The following PRSS27 variants were observed in gnomAD, a reference collection of about 807,000 sequenced individuals.
PRSS27 encodes the protein channel-activating protease 2.
Under a neutral mutation model 32.0 loss-of-function variants are expected in PRSS27, and 25 were observed. That is an observed-to-expected ratio of 0.78 (90% CI 0.57 to 1.09). The LOEUF is 1.09. PRSS27 is among the 50% of genes least tolerant of loss of function. The probability of loss-of-function intolerance (pLI) is 0.00; values close to 1 mark genes in which losing one functional copy is unlikely to be tolerated. For missense variants in PRSS27, 401 were observed against 394.9 expected (o/e 1.02, Z -0.13); for synonymous variants, 178 against 172.2 (o/e 1.03, Z -0.26).
chr16:2,714,082 C>T lies in PRSS27; in HGVS notation c.491G>A (p.Gly164Asp), dbSNP rs1295337994. The T allele has an allele frequency of 1.2e-6, 2 of 1,611,052 alleles. No individual in the cohort carries two copies. The highest frequency in any genetic ancestry group is 1.7e-6 in the Non-Finnish European group (2 of 1,178,240). The change falls in exon 4 of 6, where the codon GGC becomes GAC. Residue 164 changes from glycine to aspartate, a missense_variant. Coordinates refer to ENST00000302641, the MANE Select transcript of PRSS27 (RefSeq NM_031948.5). The surrounding 1 kb of genome is among the most constrained non-coding windows in gnomAD (Gnocchi z 4.7). ...TGMNCWVTGW[G>D]SPSEEDLLPE... ...CCCCTTACCTTCCTCACTGGGGCTG[C>T]CCCAGCCAGTGACCCAGCAGTTCAT...
At position 2,714,456 on chromosome 16, in the gene PRSS27, G is replaced by C. The variant is rs148292393; in HGVS notation, c.237-120C>G. 4,359 of 1,154,556 alleles carry C rather than the reference G, an allele frequency of 3.8e-3. 15 individuals carry two copies. The highest frequency in any genetic ancestry group is 4.5e-3 in the Non-Finnish European group (3,647 of 806,502). 71.5% of individuals were successfully genotyped at this position (1,154,556 alleles called of 1,614,324 possible). A position where few individuals can be genotyped will look rare whatever the true frequency, so the allele number is the denominator to read the frequency against. The stretch of plus-strand genomic sequence containing the variant: ...ACACCTCTCTCTGCACAATGTCTTC[G>C]AGAGTCATCTCTAGGACAGCCAGGT... On this transcript the variant is annotated intron_variant, in intron 3 of 5. Coordinates refer to ENST00000302641, the MANE Select transcript of PRSS27 (RefSeq NM_031948.5). The surrounding 1 kb of genome is among the most constrained non-coding windows in gnomAD (Gnocchi z 4.7).
chr16:2,716,201 G>A (rs2067701355), intron 2 of PRSS27: 5 of 568,278 alleles, frequency 8.8e-6, no homozygotes, highest in Non-Finnish European at 1.6e-5. Flanking sequence ...GGATAGAACA[G>A]GTGTCAAGCC....
Position 2,714,015 on chromosome 16 carries a change from G to A in PRSS27, c.508+50C>T, listed in dbSNP as rs532815677. On this transcript the variant is annotated intron_variant, in intron 4 of 5. Transcript: ENST00000302641. The surrounding 1 kb of genome is among the most constrained non-coding windows in gnomAD (Gnocchi z 4.7). ...TTCAGAGTGGTCCCCAAGCCGTCCT[G>A]GGCCTTCTTGAGGCATATCCCCCAT... The A allele has an allele frequency of 1.3e-6, 2 of 1,548,122 alleles. No individual in the cohort carries two copies. The highest frequency in any genetic ancestry group is 1.4e-5 in the African/African-American group (1 of 73,216).
intron 5 of PRSS27, 70 bp downstream of exon 5, chr16:2,713,459 G>T: frequency 6.7e-7 from 1 of 1,488,990 alleles, no homozygotes. Flanking sequence ...CATGGAGCGG[G>T]GCATGATCCC....
rs1314343878 is a variant in PRSS27 at position 2,713,599 on chromosome 16, T to C, written c.608A>G (p.Tyr203Cys). Reference protein sequence around the residue: ...LLYSKDTEFGYQPKTIKNDML... With the variant: ...LLYSKDTEFGCQPKTIKNDML... ...GTCATTCTTGATGGTTTTGGGTTGG[T>C]AGCCAAACTCGGTGTCTTTGCTGTA... The change falls in exon 5 of 6, where the codon TAC (tyrosine) becomes TGC (cysteine). Residue 203 changes from tyrosine (Y) to cysteine (C), a missense_variant. Tyr to Cys is a radical substitution (Grantham distance 194). Transcript: ENST00000302641. The C allele has an allele frequency of 6.2e-7, 1 of 1,614,224 alleles. No individual in the cohort carries two copies. Among genetic ancestry groups the C allele is most frequent in the African/African-American group, 1.3e-5 (1 of 75,062 alleles).
intron 1 of PRSS27, 108 bp downstream of exon 1, chr16:2,720,007 C>T: frequency 1.8e-6 from 2 of 1,081,244 alleles, no homozygotes; most frequent in South Asian, 1.5e-5. Context: ...GCCTGTCCCA[C>T]AGCCCCAGCC....
At chr16:2,716,004 G>T in intron 2 of PRSS27, 124 bp from the exon 3 acceptor site, 1 of 806,800 alleles carries the variant, frequency 1.2e-6, no homozygotes, top group Non-Finnish European at 1.9e-6. Flanking sequence ...AAGACCTTGG[G>T]GAAGTCGGAG....
rs747848570 is a variant in PRSS27 at position 2,720,134 on chromosome 16, G to C, written c.27C>G (p.Leu9=). The change falls in exon 1 of 6, where the codon CTC becomes CTG. Residue 9 remains leucine, a synonymous_variant. Coordinates refer to ENST00000302641, the MANE Select transcript of PRSS27 (RefSeq NM_031948.5). ...ACTCACCAAAACACAGCAGCAGCAGGAGCGGCACCGCCGCCGGCCGCCTCA... is the reference window on the plus strand; with the variant it reads ...ACTCACCAAAACACAGCAGCAGCAGCAGCGGCACCGCCGCCGGCCGCCTCA... MRRPAAVP[L]LLLLCFGSQR... The C allele has an allele frequency of 9.4e-6, 15 of 1,603,114 alleles. No homozygotes were observed. The highest frequency in any genetic ancestry group is 1.3e-5 in the Non-Finnish European group (15 of 1,175,460).
chr16:2,713,316 T>C, intron 5 of PRSS27: 1 of 592,748 alleles, frequency 1.7e-6, no homozygotes, highest in East Asian at 3.1e-5. Flanking sequence ...GCCAGGATGG[T>C]CTCCATCTCC....
At position 2,714,073 on chromosome 16, in the gene PRSS27, C is replaced by A; in HGVS notation, c.500G>T (p.Ser167Ile). Reference protein sequence around the residue: ...NCWVTGWGSPSEEDLLPEPRI... With the variant: ...NCWVTGWGSPIEEDLLPEPRI... ...CAGCCCTGTCCCCTTACCTTCCTCA[C>A]TGGGGCTGCCCCAGCCAGTGACCCA... The change falls in exon 4 of 6, where the codon AGT becomes ATT. Residue 167 changes from serine to isoleucine, a missense_variant. Physicochemically the swap from Ser to Ile is moderately radical, Grantham distance 142. Coordinates refer to ENST00000302641, the MANE Select transcript of PRSS27 (RefSeq NM_031948.5). This position sits in a 1 kb window ranked among gnomAD's most constrained non-coding sequence, Gnocchi z 4.7. The A allele has an allele frequency of 6.2e-7, 1 of 1,608,288 alleles. No homozygotes were observed. The highest frequency in any genetic ancestry group is 8.5e-7 in the Non-Finnish European group (1 of 1,176,438).
rs147198909 is a variant in PRSS27, at chr16:2,713,281, G to C, written c.678+248C>G. The C allele has an allele frequency of 3.8e-3, 1,913 of 503,990 alleles. 35 individuals carry two copies. Among genetic ancestry groups the C allele is most frequent in the African/African-American group, 0.033 (1,710 of 51,740 alleles). The allele number at this position is 503,990 out of a possible 1,614,324, so 31.2% of individuals were successfully genotyped here. On this transcript the variant is annotated intron_variant, in intron 5 of 5. Transcript: ENST00000302641. ...GCCTGGCTAATTTTTTGTATTTTTAGTAGAGATGGGGTTTCACTGTGTTAG... is the reference window on the plus strand; with the variant it reads ...GCCTGGCTAATTTTTTGTATTTTTACTAGAGATGGGGTTTCACTGTGTTAG...
Position 2,717,586 on chromosome 16 carries a change from GCTTCCC to G in PRSS27, c.47-1066_47-1061del, listed in dbSNP as rs2067710072. On this transcript the variant is annotated intron_variant, in intron 1 of 5. Transcript: ENST00000302641. This position sits in a 1 kb window ranked among gnomAD's most constrained non-coding sequence, Gnocchi z 4.1. ...CCACCTCCCCACACCTAGGCCCTCAGCTTCCCCTTAACCCCCAGTGCCTTCCGGTGC... is the reference window on the plus strand; with the variant it reads ...CCACCTCCCCACACCTAGGCCCTCAGCTTAACCCCCAGTGCCTTCCGGTGC... 1 of 152,496 alleles carries G rather than the reference GCTTCCC, an allele frequency of 6.6e-6. No homozygotes were observed. Among genetic ancestry groups the G allele is most frequent in the African/African-American group, 2.4e-5 (1 of 41,438 alleles). 9.4% of individuals were successfully genotyped at this position (152,496 alleles called of 1,614,324 possible). A position where few individuals can be genotyped will look rare whatever the true frequency, so the allele number is the denominator to read the frequency against.
chr16:2,713,780 G>T, intron 4 of PRSS27, 82 bp from the exon 5 acceptor site: 1 of 1,464,804 alleles, frequency 6.8e-7, no homozygotes, highest in Non-Finnish European at 9.4e-7. Flanking sequence ...ACTCCATCCT[G>T]CCTGTCGTTT....
rs936147302 is a variant in PRSS27 at position 2,712,921 on chromosome 16, C to T, written c.679-107G>A. 3.6e-5 allele frequency: 33 copies of T among 904,180 alleles called. No individual in the cohort carries two copies. The African/African-American group carries it at 5.4e-4, about 15-fold the overall frequency. The allele number at this position is 904,180 out of a possible 1,614,324, so 56.0% of individuals were successfully genotyped here. A position where few individuals can be genotyped will look rare whatever the true frequency, so the allele number is the denominator to read the frequency against. ...TCCGCAATGGATTCCTTCTCTCCAT[C>T]CCAGAGCCTCTCTGCCCGGCTCCCC... On this transcript the variant is annotated intron_variant, in intron 5 of 5. Coordinates refer to ENST00000302641, the MANE Select transcript of PRSS27 (RefSeq NM_031948.5). The surrounding 1 kb of genome is among the most constrained non-coding windows in gnomAD (Gnocchi z 4.6).
intron 5 of PRSS27, chr16:2,713,121 C>T (rs138250522): frequency 5.5e-4 from 248 of 453,074 alleles, no homozygotes; most frequent in African/African-American, 3.6e-3. Context: ...TTTATTGAGA[C>T]GGAGTCTTGC....
chr16:2,713,191 C>G (rs1373286072), intron 5 of PRSS27: 3 of 455,436 alleles, frequency 6.6e-6, no homozygotes, highest in Non-Finnish European at 1.2e-5. Context: ...CTCCGCCTCC[C>G]AGGTTCGCGC....
rs540619685 is a variant in PRSS27, at chr16:2,713,922, C to T, written c.508+143G>A. On this transcript the variant is annotated intron_variant, in intron 4 of 5. Transcript: ENST00000302641. The stretch of plus-strand genomic sequence containing the variant: ...CTTCCTTCTGGGTCTGCTGCTGCTC[C>T]CCTCGGCCCCACCTGTGTGAACAGA... The T allele has an allele frequency of 1.3e-5, 14 of 1,063,458 alleles. No homozygotes were observed. The East Asian group carries it at 3.1e-4, about 23-fold the overall frequency. 65.9% of individuals were successfully genotyped at this position (1,063,458 alleles called of 1,614,324 possible).
Position 2,714,280 on chromosome 16 carries a change from G to A in PRSS27, c.293C>T (p.Pro98Leu), listed in dbSNP as rs151003597. 5.4e-4 allele frequency: 874 copies of A among 1,613,314 alleles called. 1 individual carries two copies. The highest frequency in any genetic ancestry group is 6.1e-4 in the Non-Finnish European group (724 of 1,179,858). The change falls in exon 4 of 6, where the codon CCG becomes CTG. Residue 98 changes from proline to leucine, a missense_variant. Coordinates refer to ENST00000302641, the MANE Select transcript of PRSS27 (RefSeq NM_031948.5). The surrounding 1 kb of genome is among the most constrained non-coding windows in gnomAD (Gnocchi z 4.7). ...CCGGGCATACATAGCGTGTGGTCCC[G>A]GCTGCACTAGCTGCCTTGCCCCCAG... The part of the protein sequence containing the change: ...VLLGARQLVQ[P>L]GPHAMYARVR...
intron 5 of PRSS27, chr16:2,713,080 G>A: frequency 3.8e-6 from 2 of 533,230 alleles, no homozygotes; most frequent in Non-Finnish European, 6.6e-6. Context: ...TTCTGGGGTG[G>A]GGTCCAGGAA....
Sources: allele counts gnomAD v4.1 joint callset, GRCh38; gene constraint gnomAD v4.1.1; non-coding constraint Gnocchi (gnomAD v3.1); transcripts MANE v1.5; gene names NCBI Gene and HGNC (gene_info 2026-07-23, HGNC 2026-07-21).